Variants in RSL24D1 observed in about 807,000 individuals in gnomAD.
RSL24D1 encodes ribosomal L24 domain containing 1, also known as probable ribosome biogenesis protein RLP24.
RSL24D1 carries 6 observed loss-of-function variants against 26.2 expected under a neutral mutation model. The ratio of observed to expected loss-of-function variants is 0.23; its 90% confidence interval spans 0.13 to 0.45. RSL24D1 has a LOEUF of 0.45. RSL24D1 is among the 20% of genes least tolerant of loss of function. The probability of loss-of-function intolerance (pLI) is 0.99; values close to 1 mark genes in which losing one functional copy is unlikely to be tolerated. For synonymous variants in RSL24D1, 61 were observed against 59.1 expected (o/e 1.03, Z -0.15); for missense variants, 176 against 202.6 (o/e 0.87, Z 0.80).
At position 55,185,349 on chromosome 15, in the gene RSL24D1, C is replaced by G. The variant is rs769512756; in HGVS notation, c.332+13G>C. On this transcript the variant is annotated intron_variant, in intron 4 of 5. Transcript: ENST00000260443. ...ATTATTTTCCAAAAGTTACTCCATA[C>G]AAATATTCATACCTGTTCATTATAA... is the stretch of plus-strand genomic sequence containing the variant. The G allele has an allele frequency of 8.9e-6, 14 of 1,579,930 alleles. No homozygotes were observed. The South Asian group carries it at 1.4e-4, about 16-fold the overall frequency.
intron 1 of RSL24D1, among the ~76,000 whole-genome samples, chr15:55,193,471 T>C (rs1894321524): frequency 6.6e-6 from 1 of 152,220 alleles, no homozygotes; most frequent in Admixed American, 6.5e-5. Flanking sequence ...TGTTACTTTG[T>C]AATGCCTTAG....
chr15:55,192,019 G>C (rs1894303207), intron 2 of RSL24D1, among the ~76,000 whole-genome samples: 2 of 152,180 alleles, frequency 1.3e-5, no homozygotes. Context: ...CTGGTATTAA[G>C]GAGGCCAGGA....
At chr15:55,188,308 T>C (rs1894245888) in intron 3 of RSL24D1, among the ~76,000 whole-genome samples, 1 of 152,218 alleles carries the variant, frequency 6.6e-6, no homozygotes, top group Admixed American at 6.5e-5. Context: ...CTCATACTAT[T>C]TACCTAGCAC....
At chr15:55,191,519 CTA>C (rs1566887218) in intron 2 of RSL24D1, among the ~76,000 whole-genome samples, 1 of 151,816 alleles carries the variant, frequency 6.6e-6, no homozygotes, top group Non-Finnish European at 1.5e-5. Context: ...ACCTAAATAT[CTA>C]TGTTATAGCA....
intron 3 of RSL24D1, among the ~76,000 whole-genome samples, chr15:55,189,193 C>CAAA (rs11320888): frequency 3.3e-4 from 22 of 66,488 alleles, no homozygotes; most frequent in Non-Finnish European, 3.7e-4. Flanking sequence ...ACTCCCATCT[C>CAAA]AAAAAAAAAA....
chr15:55,185,305 CT>C, intron 4 of RSL24D1, 56 bp downstream of exon 4: 1 of 1,339,398 alleles, frequency 7.5e-7, no homozygotes, highest in Non-Finnish European at 1.0e-6. Context: ...ATACTAATGC[CT>C]CTAAATATCT....
chr15:55,185,501 T>G, intron 3 of RSL24D1, 76 bp from the exon 4 acceptor site: 1 of 922,802 alleles, frequency 1.1e-6, no homozygotes, highest in Non-Finnish European at 1.7e-6. Context: ...AACAAACACT[T>G]CTTTATTATT....
chr15:55,183,437 C>T (rs1343918425), intron 4 of RSL24D1, 37 bp from the exon 5 acceptor site: 2 of 1,472,320 alleles, frequency 1.4e-6, no homozygotes, highest in South Asian at 2.3e-5. Flanking sequence ...ATTTCAGTTA[C>T]TAACACTGCT....
intron 3 of RSL24D1, among the ~76,000 whole-genome samples, chr15:55,188,455 G>T (rs181628099): frequency 6.6e-6 from 1 of 151,992 alleles, no homozygotes; most frequent in African/African-American, 2.4e-5. Context: ...GTATAAATGT[G>T]GGGGGCAAGA....
chr15:55,189,157 CA>C (rs1894263029), intron 3 of RSL24D1, among the ~76,000 whole-genome samples: 1 of 148,292 alleles, frequency 6.7e-6, no homozygotes, highest in South Asian at 2.1e-4. Context: ...CCCACCACTA[CA>C]CTCCAGCCCG....
intron 5 of RSL24D1, among the ~76,000 whole-genome samples, chr15:55,182,536 T>C (rs1451656530): frequency 1.3e-5 from 2 of 152,194 alleles, no homozygotes; most frequent in Non-Finnish European, 2.9e-5. Flanking sequence ...AGTGCTGGCA[T>C]GTGAACCCCA....
chr15:55,196,273 T>C lies in RSL24D1; in HGVS notation c.81+537A>G, dbSNP rs553171728. On this transcript the variant is annotated intron_variant, in intron 1 of 5. Transcript: ENST00000260443. ...CTTCCACTTAGAAGGCCCCCTCCGC[T>C]TTCTTCCGCAAAATTCAGGATCCAA... is the stretch of plus-strand genomic sequence containing the variant. 6 of 453,180 alleles carry C rather than the reference T, an allele frequency of 1.3e-5. No individual in the cohort carries two copies. In the Admixed American group the frequency reaches 1.4e-4, roughly 11 times the overall value. 28.1% of individuals were successfully genotyped at this position (453,180 alleles called of 1,614,324 possible). A position where few individuals can be genotyped will look rare whatever the true frequency, so the allele number is the denominator to read the frequency against.
intron 3 of RSL24D1, among the ~76,000 whole-genome samples, chr15:55,186,469 A>G (rs1270913860): frequency 6.6e-6 from 1 of 152,184 alleles, no homozygotes; most frequent in East Asian, 1.9e-4. Flanking sequence ...ACACACTGAA[A>G]AAACTCAGCA....
chr15:55,194,982 A>C (rs1019613387), intron 1 of RSL24D1, among the ~76,000 whole-genome samples: 6 of 148,290 alleles, frequency 4.0e-5, no homozygotes, highest in African/African-American at 1.5e-4. Context: ...ATGATCACAC[A>C]TCTGCACTCC....
At position 55,182,268 on chromosome 15, in the gene RSL24D1, T is replaced by C. The variant is rs551951434; in HGVS notation, c.419-43A>G. The C allele has an allele frequency of 8.4e-5, 104 of 1,239,670 alleles. 1 individual carries two copies. Among genetic ancestry groups the C allele is most frequent in the South Asian group, 6.4e-4 (53 of 82,190 alleles). The allele number at this position is 1,239,670 out of a possible 1,614,324, so 76.8% of individuals were successfully genotyped here. ...AAAAAATAAACAACTTAATTAAATG[T>C]GACCTTACAGAATTCACACCAACAC... On this transcript the variant is annotated intron_variant, in intron 5 of 5. Transcript: ENST00000260443.
intron 3 of RSL24D1, among the ~76,000 whole-genome samples, chr15:55,188,159 C>A (rs1475295855): frequency 1.3e-5 from 2 of 152,190 alleles, no homozygotes; most frequent in South Asian, 4.2e-4. Context: ...AGTTTATAGA[C>A]CAAATGATAC....
At chr15:55,196,374 C>T (rs1347832791) in intron 1 of RSL24D1, 2 of 459,276 alleles carry the variant, frequency 4.4e-6, no homozygotes, top group South Asian at 1.5e-5. Context: ...TAATACATAA[C>T]TCTACCATTA....
At position 55,192,707 on chromosome 15, in the gene RSL24D1, T is replaced by C. The variant is rs746665444; in HGVS notation, c.195+13A>G. On this transcript the variant is annotated intron_variant, in intron 2 of 5. Coordinates refer to ENST00000260443, the MANE Select transcript of RSL24D1 (RefSeq NM_016304.3). ...AACGTGTAAAAACTATATTGATAGC[T>C]AACCGTACTCACCACTGTAAGCTCT... The C allele has an allele frequency of 7.6e-6, 12 of 1,571,366 alleles. 1 individual carries two copies. In the South Asian group the frequency reaches 1.3e-4, roughly 17 times the overall value.
At chr15:55,185,307 C>A in intron 4 of RSL24D1, 55 bp downstream of exon 4, 1 of 1,369,046 alleles carries the variant, frequency 7.3e-7, no homozygotes. Context: ...ACTAATGCCT[C>A]TAAATATCTA....
Sources: gnomAD v4.1 joint callset for allele counts (sites outside exome capture counted in the v4.1 genomes callset) on GRCh38, gnomAD v4.1.1 for gene constraint, MANE v1.5 for transcripts, NCBI Gene and HGNC (gene_info 2026-07-23, HGNC 2026-07-21) for gene names.